PPP1R9A: variants seen among roughly 807,000 people sequenced by gnomAD.
PPP1R9A encodes the protein neurabin-1.
A neutral mutation model predicts 141.9 loss-of-function variants in PPP1R9A; 59 were observed. The ratio of observed to expected loss-of-function variants is 0.42; its 90% CI spans 0.34 to 0.52. PPP1R9A has a LOEUF of 0.52. PPP1R9A is among the 20% of genes least tolerant of loss of function. The probability of loss-of-function intolerance (pLI) is 0.10; values close to 1 mark genes in which losing one functional copy is unlikely to be tolerated. For missense variants in PPP1R9A, 1,444 were observed against 1,611.9 expected, an observed-to-expected ratio of 0.90 and a Z score of 1.78; for synonymous variants, 500 against 569.7, an observed-to-expected ratio of 0.88 and a Z score of 1.74.
chr7:94,957,185 A>G (rs1447359432), intron 2 of PPP1R9A, among the ~76,000 whole-genome samples: 1 of 152,092 alleles, frequency 6.6e-6, no homozygotes, highest in Non-Finnish European at 1.5e-5. Flanking sequence ...ACTGCATCAG[A>G]TAGTTGAAGG....
chr7:94,910,287 A>G lies in PPP1R9A; in HGVS notation c.174A>G (p.Lys58=). The G allele has an allele frequency of 6.2e-7, 1 of 1,614,124 alleles. No homozygotes were observed. The highest frequency in any genetic ancestry group is 1.1e-5 in the South Asian group (1 of 91,076). The part of the protein sequence containing the change: ...GEGSQQSRGR[K]YGSNVNRIKN... ...GCTCCCAGCAGAGCAGGGGGAGGAA[A>G]TATGGCTCCAATGTCAACAGAATTA... The change falls in exon 2 of 20, where the codon AAA becomes AAG. Residue 58 remains lysine, a synonymous_variant. Coordinates refer to ENST00000433360, the MANE Select transcript of PPP1R9A (RefSeq NM_001166160.2). This position sits in a 1 kb window ranked among gnomAD's most constrained non-coding sequence, Gnocchi z 4.5.
chr7:95,097,279 G>C (rs979297666), intron 2 of PPP1R9A, among the ~76,000 whole-genome samples: 5 of 152,120 alleles, frequency 3.3e-5, no homozygotes, highest in African/African-American at 1.2e-4. Context: ...GCCCACCTTG[G>C]CCTCCCAAAT....
At chr7:95,227,944 G>T (rs1795374516) in intron 8 of PPP1R9A, among the ~76,000 whole-genome samples, 1 of 152,074 alleles carries the variant, frequency 6.6e-6, no homozygotes, top group South Asian at 2.1e-4. Flanking sequence ...TGTATCACCT[G>T]TGTGGCACTC....
At chr7:94,981,540 G>GT (rs200977369) in intron 2 of PPP1R9A, among the ~76,000 whole-genome samples, 124 of 151,714 alleles carry the variant, frequency 8.2e-4, no homozygotes, top group Admixed American at 2.0e-3. Flanking sequence ...CCTGGCCTAC[G>GT]TTTTTTTTAA....
chr7:95,072,956 AAT>A (rs1171556806), intron 2 of PPP1R9A, among the ~76,000 whole-genome samples: 4 of 130,612 alleles, frequency 3.1e-5, no homozygotes, highest in Non-Finnish European at 6.2e-5. Flanking sequence ...TATATATTAT[AAT>A]ATGTTATATA....
At chr7:95,029,655 T>A (rs1472657646) in intron 2 of PPP1R9A, among the ~76,000 whole-genome samples, 1 of 152,188 alleles carries the variant, frequency 6.6e-6, no homozygotes, top group Non-Finnish European at 1.5e-5. Flanking sequence ...AGGAGACTTA[T>A]ATCATGCTAC....
intron 4 of PPP1R9A, among the ~76,000 whole-genome samples, chr7:95,128,213 G>T (rs533650754): frequency 6.6e-6 from 1 of 152,152 alleles, no homozygotes; most frequent in East Asian, 1.9e-4. Context: ...ATACTGATTG[G>T]TGTGAAATAA....
chr7:94,992,306 A>C (rs2151436727), intron 2 of PPP1R9A, among the ~76,000 whole-genome samples: 1 of 152,330 alleles, frequency 6.6e-6, no homozygotes, highest in African/African-American at 2.4e-5. Context: ...TGCAAGTATC[A>C]ATACTTTCTA....
chr7:95,053,877 A>G (rs997494501), intron 2 of PPP1R9A, among the ~76,000 whole-genome samples: 4 of 152,190 alleles, frequency 2.6e-5, no homozygotes, highest in African/African-American at 7.2e-5. Context: ...TTCATTATAC[A>G]TTGCTCTATA....
chr7:95,057,741 G>T (rs1355395764), intron 2 of PPP1R9A, among the ~76,000 whole-genome samples: 1 of 151,956 alleles, frequency 6.6e-6, no homozygotes, highest in Admixed American at 6.6e-5. Flanking sequence ...TTCTGCTTGG[G>T]ATAATTTTCA....
intron 2 of PPP1R9A, among the ~76,000 whole-genome samples, chr7:95,082,167 G>A (rs532227257): frequency 1.6e-4 from 24 of 152,234 alleles, no homozygotes; most frequent in African/African-American, 5.5e-4. Flanking sequence ...CTTGCTTTAC[G>A]TTTCTGCTGT....
At chr7:95,111,534 A>T (rs1290053633) in intron 3 of PPP1R9A, 143 bp downstream of exon 3, 1 of 898,448 alleles carries the variant, frequency 1.1e-6, no homozygotes, top group Non-Finnish European at 1.6e-6. Context: ...TTTCAAAAAT[A>T]GTTGATATGG....
rs1483111106 is a variant in PPP1R9A at position 94,910,961 on chromosome 7, C to T, written c.848C>T (p.Ala283Val). The T allele has an allele frequency of 1.2e-6, 2 of 1,614,134 alleles. No individual in the cohort carries two copies. Among genetic ancestry groups the T allele is most frequent in the Admixed American group, 1.7e-5 (1 of 59,998 alleles). ...KSNATPVPEV[A>V]SKSTSLASIP... ...AATGCAACTCCAGTACCAGAAGTGG[C>T]TTCTAAAAGTACCTCTCTAGCTTCG... The change falls in exon 2 of 20, where the codon GCT becomes GTT. Residue 283 changes from alanine to valine, a missense_variant. Ala to Val is a moderately conservative substitution (Grantham distance 64). Around this residue, in one of 5 missense-constraint regions of PPP1R9A, gnomAD observed 490 missense variants for 521.1 expected, o/e 0.94. Transcript: ENST00000433360. The surrounding 1 kb of genome is among the most constrained non-coding windows in gnomAD (Gnocchi z 4.5).
intron 2 of PPP1R9A, among the ~76,000 whole-genome samples, chr7:94,953,905 A>G (rs779076223): frequency 1.3e-5 from 2 of 152,144 alleles, no homozygotes; most frequent in Non-Finnish European, 2.9e-5. Context: ...TCATCTGCAA[A>G]CAGAGACAAT....
intron 8 of PPP1R9A, among the ~76,000 whole-genome samples, chr7:95,240,566 T>A (rs909390373): frequency 3.9e-5 from 6 of 152,044 alleles, no homozygotes; most frequent in South Asian, 2.1e-4. Flanking sequence ...TTTTTGTTAA[T>A]TTTTTATTGG....
rs1585633688 is a variant in PPP1R9A at position 95,284,114 on chromosome 7, T to G, written c.3393T>G (p.Asn1131Lys). Residue 1131 changes from asparagine (N) to lysine (K), a missense_variant, in exon 17 of 20, where the codon AAT becomes AAG. Physicochemically the swap from Asn to Lys is moderately conservative, Grantham distance 94 (BLOSUM62 0). Coordinates refer to ENST00000433360, the MANE Select transcript of PPP1R9A (RefSeq NM_001166160.2). The part of the protein sequence containing the change: ...RSPCMPFSWF[N>K]DSRKGSYSFR... ...CTTGCATGCCTTTCTCATGGTTTAA[T>G]GACAGCCGGAAAGGATCCTATTCCT... 3.1e-6 allele frequency: 5 copies of G among 1,592,530 alleles called. No homozygotes were observed. Among genetic ancestry groups the G allele is most frequent in the Non-Finnish European group, 4.3e-6 (5 of 1,173,412 alleles).
chr7:94,959,456 A>T (rs1439893725), intron 2 of PPP1R9A, among the ~76,000 whole-genome samples: 1 of 151,666 alleles, frequency 6.6e-6, no homozygotes, highest in Non-Finnish European at 1.5e-5. Flanking sequence ...TCAAATTTTA[A>T]ACATTTAAGG....
At position 95,187,818 on chromosome 7, in the gene PPP1R9A, G is replaced by GT. The variant is rs201190807; in HGVS notation, c.1755-10523dup. 1.7e-3 allele frequency among the ~76,000 whole-genome samples: 253 copies of GT among 151,730 alleles called. 1 individual carries two copies. The highest frequency in any genetic ancestry group is 5.3e-3 in the African/African-American group (218 of 41,386). Reference sequence around the variant, plus strand: ...TGCCTGTATTTGTTTAGTTTTGAGGGTTTTTTTTGAGTCGATTTCCAGTTT... The same window carrying GT: ...TGCCTGTATTTGTTTAGTTTTGAGGGTTTTTTTTTGAGTCGATTTCCAGTTT... On this transcript the variant is annotated intron_variant, in intron 5 of 19. Coordinates refer to ENST00000433360, the MANE Select transcript of PPP1R9A (RefSeq NM_001166160.2).
intron 4 of PPP1R9A, chr7:95,155,858 A>T (rs1829524483): frequency 6.6e-6 from 1 of 152,238 alleles, no homozygotes; most frequent in Non-Finnish European, 1.5e-5. Flanking sequence ...CATGACAATA[A>T]AGCATTATTT....
Sources: allele counts gnomAD v4.1 joint callset (sites outside exome capture counted in the v4.1 genomes callset), GRCh38; gene constraint gnomAD v4.1.1; regional missense constraint gnomAD v4.1.1; non-coding constraint Gnocchi (gnomAD v3.1); transcripts MANE v1.5; gene names NCBI Gene and HGNC (gene_info 2026-07-23, HGNC 2026-07-21).